The following SHANK2 variants were observed in gnomAD, a reference collection of about 807,000 sequenced individuals.
The protein encoded by SHANK2 is SH3 and multiple ankyrin repeat domains protein 2.
A neutral mutation model predicts 133.7 loss-of-function variants in SHANK2; 43 were observed. The observed-to-expected ratio is 0.32, with a 90% CI of 0.25 to 0.41. SHANK2 has a LOEUF of 0.41. SHANK2 is among the 10% of genes least tolerant of loss of function. The probability of loss-of-function intolerance (pLI) is 1.00; values close to 1 mark genes in which losing one functional copy is unlikely to be tolerated. For missense variants in SHANK2, 1,994 were observed against 2,235.8 expected, an observed-to-expected ratio of 0.89 and a Z score of 2.18; for synonymous variants, 1,017 against 952.8, an observed-to-expected ratio of 1.07 and a Z score of -1.24.
At chr11:71,209,350 C>A (rs1371202905) in intron 2 of SHANK2, among the ~76,000 whole-genome samples, 1 of 152,164 alleles carries the variant, frequency 6.6e-6, no homozygotes, top group Non-Finnish European at 1.5e-5. Context: ...TCAGACACAC[C>A]CTCCCACGCC....
chr11:71,165,402 T>C (rs747927225), intron 2 of SHANK2, among the ~76,000 whole-genome samples: 3 of 152,196 alleles, frequency 2.0e-5, no homozygotes, highest in Non-Finnish European at 4.4e-5. Context: ...GCTAACCTCA[T>C]GGCGAGAGAA....
chr11:70,681,867 G>A (rs1945036249), intron 15 of SHANK2, among the ~76,000 whole-genome samples: 1 of 152,080 alleles, frequency 6.6e-6, no homozygotes, highest in Admixed American at 6.6e-5. Flanking sequence ...AACACTGTGG[G>A]GTTCTGCACG....
At chr11:70,492,787 GTTTTTTTTT>G (rs34452642) in intron 21 of SHANK2, among the ~76,000 whole-genome samples, 27 of 70,596 alleles carry the variant, frequency 3.8e-4, no homozygotes, top group African/African-American at 1.4e-3. Context: ...ACATTTCTGT[GTTTTTTTTT>G]TTTTTTTTTT....
intron 11 of SHANK2, among the ~76,000 whole-genome samples, chr11:70,833,784 G>A (rs781903093): frequency 6.6e-6 from 1 of 152,208 alleles, no homozygotes; most frequent in African/African-American, 2.4e-5. Context: ...ACAACAGCTT[G>A]TTGACGAGGG....
intron 10 of SHANK2, among the ~76,000 whole-genome samples, chr11:70,936,014 C>T (rs1207153180): frequency 5.9e-5 from 9 of 152,208 alleles, no homozygotes; most frequent in Non-Finnish European, 1.0e-4. Flanking sequence ...TTCCTGGAGG[C>T]CTGCGGCTGA....
At chr11:70,775,757 T>C (rs954773909) in intron 14 of SHANK2, among the ~76,000 whole-genome samples, 2 of 152,200 alleles carry the variant, frequency 1.3e-5, no homozygotes, top group Non-Finnish European at 2.9e-5. Context: ...GAGCCTGCCC[T>C]TTACACATCC....
intron 17 of SHANK2, among the ~76,000 whole-genome samples, chr11:70,519,905 A>ATT (rs781977357): frequency 5.5e-4 from 67 of 121,446 alleles, no homozygotes; most frequent in African/African-American, 1.8e-3. Context: ...ACCATGCCTA[A>ATT]TTTTTTTTTT....
At chr11:70,875,966 G>A (rs1949554303) in intron 11 of SHANK2, among the ~76,000 whole-genome samples, 1 of 151,086 alleles carries the variant, frequency 6.6e-6, no homozygotes, top group African/African-American at 2.4e-5. Flanking sequence ...AGACCAGCCT[G>A]ACCAACATGG....
At chr11:70,826,142 T>A (rs1948635472) in intron 11 of SHANK2, among the ~76,000 whole-genome samples, 1 of 152,150 alleles carries the variant, frequency 6.6e-6, no homozygotes. Context: ...AGGACTATAG[T>A]CAAAACTTCC....
intron 17 of SHANK2, among the ~76,000 whole-genome samples, chr11:70,605,646 G>A (rs1336683985): frequency 6.6e-6 from 1 of 152,192 alleles, no homozygotes; most frequent in African/African-American, 2.4e-5. Flanking sequence ...TGTCCATATC[G>A]AACTCTCTCC....
intron 11 of SHANK2, among the ~76,000 whole-genome samples, chr11:70,879,509 G>A (rs1949623669): frequency 1.3e-5 from 2 of 152,190 alleles, no homozygotes; most frequent in South Asian, 2.1e-4. Flanking sequence ...GAGAGGTGCC[G>A]TGGCTGGTCC....
At chr11:70,926,728 G>A (rs949606404) in intron 10 of SHANK2, among the ~76,000 whole-genome samples, 1 of 152,226 alleles carries the variant, frequency 6.6e-6, no homozygotes, top group African/African-American at 2.4e-5. Flanking sequence ...GCCTCAGCTG[G>A]GCACCTGCGG....
rs543319175 is a variant in SHANK2 at position 70,844,817 on chromosome 11, A to C, written c.1175-24135T>G. ...CAGGTCAAAAGGTCTGAGCGCCCCC[A>C]TGGCCCTGGGCACGTGTCTGGCCAA... On this transcript the variant is annotated intron_variant, in intron 11 of 25. Transcript: ENST00000601538. Among the ~76,000 whole-genome samples, 23 of 152,272 alleles carry C rather than the reference A, an allele frequency of 1.5e-4. No homozygotes were observed. In the South Asian group the frequency reaches 4.8e-3, roughly 32 times the overall value.
At chr11:70,506,020 G>A (rs577888360) in intron 17 of SHANK2, among the ~76,000 whole-genome samples, 97 of 152,304 alleles carry the variant, frequency 6.4e-4, no homozygotes, top group Non-Finnish European at 1.1e-3. Flanking sequence ...AGGGGCTGGA[G>A]GGCCCTTTTC....
intron 10 of SHANK2, among the ~76,000 whole-genome samples, chr11:70,952,450 A>T (rs1262169296): frequency 6.6e-6 from 1 of 152,174 alleles, no homozygotes; most frequent in Non-Finnish European, 1.5e-5. Flanking sequence ...CTCCTCTTTT[A>T]AAGTGGATAG....
chr11:70,796,649 G>C (rs551332398), intron 14 of SHANK2, among the ~76,000 whole-genome samples: 1 of 152,210 alleles, frequency 6.6e-6, no homozygotes, highest in African/African-American at 2.4e-5. Context: ...AGGGGTGGAC[G>C]GGCAATGGCA....
intron 17 of SHANK2, among the ~76,000 whole-genome samples, chr11:70,655,878 G>A (rs1423026238): frequency 3.0e-4 from 45 of 152,304 alleles, no homozygotes; most frequent in Admixed American, 2.5e-3. Context: ...CACCACTGCA[G>A]CTTTCATGGA....
chr11:70,874,794 G>A (rs537198443), intron 11 of SHANK2, among the ~76,000 whole-genome samples: 1 of 151,302 alleles, frequency 6.6e-6, no homozygotes, highest in South Asian at 2.1e-4. Context: ...GAAGGAACAC[G>A]AGTTCACTTT....
At chr11:70,771,712 A>C (rs1326568370) in intron 14 of SHANK2, among the ~76,000 whole-genome samples, 1 of 151,806 alleles carries the variant, frequency 6.6e-6, no homozygotes, top group Non-Finnish European at 1.5e-5. Context: ...AGCTCATTCC[A>C]GGAGCAGCTG....
Sources: allele counts gnomAD v4.1 joint callset (sites outside exome capture counted in the v4.1 genomes callset), GRCh38; gene constraint gnomAD v4.1.1; transcripts MANE v1.5; gene names NCBI Gene and HGNC (gene_info 2026-07-23, HGNC 2026-07-21).